Variants in DMXL1 observed in about 807,000 individuals in gnomAD.
DMXL1 encodes the protein dmX-like protein 1.
In DMXL1, 99 loss-of-function variants were observed where a neutral mutation model predicts 319.2. The observed-to-expected ratio is 0.31, with a 90% CI of 0.26 to 0.37. DMXL1 has a LOEUF of 0.37. Among genes scored for constraint, DMXL1 ranks in the 10% least tolerant of loss-of-function variants. The pLI, the probability that DMXL1 is intolerant of heterozygous loss-of-function variation, is 1.00. For missense variants in DMXL1, 3,745 were observed against 3,595.6 expected, an observed-to-expected ratio of 1.04 and a Z score of -1.06; for synonymous variants, 1,385 against 1,235.2, an observed-to-expected ratio of 1.12 and a Z score of -2.54.
chr5:119,157,801 G>A (rs1371361007), intron 19 of DMXL1, among the ~76,000 whole-genome samples: 4 of 152,010 alleles, frequency 2.6e-5, no homozygotes, highest in African/African-American at 9.7e-5. Context: ...TGAGTATTTG[G>A]TGTTTCTTGG....
At chr5:119,134,811 G>C (rs966033467) in intron 13 of DMXL1, among the ~76,000 whole-genome samples, 5 of 152,218 alleles carry the variant, frequency 3.3e-5, no homozygotes, top group African/African-American at 1.2e-4. Flanking sequence ...CAGTATTGTT[G>C]TAAGGCTTTT....
intron 17 of DMXL1, 117 bp from the exon 18 acceptor site, chr5:119,148,622 C>G: frequency 1.0e-6 from 1 of 967,900 alleles, no homozygotes; most frequent in South Asian, 1.6e-5. Context: ...CCAAGATGCC[C>G]CTTTGATTTT....
Position 119,098,152 on chromosome 5 carries a change from T to C in DMXL1, c.213+48T>C. The C allele has an allele frequency of 2.5e-6, 4 of 1,569,680 alleles. No individual in the cohort carries two copies. The South Asian group carries it at 4.7e-5, about 19-fold the overall frequency. On this transcript the variant is annotated intron_variant, in intron 2 of 43. Coordinates refer to ENST00000539542, the MANE Select transcript of DMXL1 (RefSeq NM_001290321.3). ...ACAAATTTGTTTGGAATATGGTTTT[T>C]GTCAGGATAATCTCTGAAGTGTGTA...
At chr5:119,225,791 C>G (rs1283187015) in intron 38 of DMXL1, among the ~76,000 whole-genome samples, 3 of 152,072 alleles carry the variant, frequency 2.0e-5, no homozygotes, top group Non-Finnish European at 2.9e-5. Flanking sequence ...TCTGTTTTCA[C>G]TACATCAAAT....
chr5:119,183,410 T>G (rs1777119156), intron 28 of DMXL1, among the ~76,000 whole-genome samples: 2 of 152,200 alleles, frequency 1.3e-5, no homozygotes, highest in Admixed American at 6.5e-5. Context: ...GGTGGTTTAT[T>G]ATAAGGAACT....
chr5:119,090,871 T>C (rs1203238550), intron 1 of DMXL1, among the ~76,000 whole-genome samples: 3 of 151,948 alleles, frequency 2.0e-5, no homozygotes, highest in Admixed American at 6.6e-5. Context: ...GGCAGTCCTC[T>C]GTGTGTTTTT....
chr5:119,175,360 T>A, intron 26 of DMXL1, 23 bp downstream of exon 26: 2 of 1,535,736 alleles, frequency 1.3e-6, no homozygotes, highest in Non-Finnish European at 1.8e-6. Context: ...TTATGAAATT[T>A]AAGAATGCTT....
chr5:119,116,158 G>C lies in DMXL1; in HGVS notation c.565G>C (p.Asp189His). 1 of 1,589,990 alleles carries C rather than the reference G, an allele frequency of 6.3e-7. No individual in the cohort carries two copies. The highest frequency in any genetic ancestry group is 1.8e-5 in the Admixed American group (1 of 55,856). Residue 189 changes from aspartate (D) to histidine (H), a missense_variant and splice_region_variant, in exon 7 of 44, where the codon GAT becomes CAT. By Grantham distance (81) the Asp-to-His change is moderately conservative. This residue lies in a region of DMXL1 where 2,096 missense variants were observed against 1,985.4 expected (regional missense o/e 1.06). Transcript: ENST00000539542. ...DGEFFATAGK[D>H]DCLLKVWYNV... ...TCTGTTTTGTTTTTTTTTTCCTTAG[G>C]ATGACTGTCTTTTGAAGGTTTGGTA...
intron 29 of DMXL1, among the ~76,000 whole-genome samples, chr5:119,190,255 C>T (rs1390751516): frequency 6.6e-6 from 1 of 152,214 alleles, no homozygotes; most frequent in Non-Finnish European, 1.5e-5. Flanking sequence ...TATACTACAG[C>T]AGTCTCTCAT....
At chr5:119,180,646 G>A (rs1210925942) in intron 28 of DMXL1, among the ~76,000 whole-genome samples, 1 of 151,728 alleles carries the variant, frequency 6.6e-6, no homozygotes, top group Non-Finnish European at 1.5e-5. Context: ...TTAAAAAGTT[G>A]TTTATTGTGC....
At chr5:119,241,415 G>C (rs1294596954) in intron 42 of DMXL1, among the ~76,000 whole-genome samples, 1 of 151,568 alleles carries the variant, frequency 6.6e-6, no homozygotes, top group Non-Finnish European at 1.5e-5. Flanking sequence ...GATGCCTGTA[G>C]TCCTAGCTAC....
At chr5:119,087,241 G>C (rs1377789494) in intron 1 of DMXL1, among the ~76,000 whole-genome samples, 3 of 151,006 alleles carry the variant, frequency 2.0e-5, no homozygotes, top group African/African-American at 7.3e-5. Context: ...CAAGTTCCTT[G>C]AGGTGCATTA....
At chr5:119,187,787 C>G (rs899128487) in intron 28 of DMXL1, among the ~76,000 whole-genome samples, 2 of 152,038 alleles carry the variant, frequency 1.3e-5, no homozygotes. Flanking sequence ...CTCAGCCTCC[C>G]GAGTAGCTGG....
chr5:119,194,021 A>C (rs778426406), intron 30 of DMXL1, 51 bp downstream of exon 30: 18 of 1,296,554 alleles, frequency 1.4e-5, no homozygotes, highest in Non-Finnish European at 1.8e-5. Context: ...GGTGTATATA[A>C]ATAATATTTT....
At chr5:119,082,525 T>C in intron 1 of DMXL1, among the ~76,000 whole-genome samples, 1 of 152,164 alleles carries the variant, frequency 6.6e-6, no homozygotes, top group Non-Finnish European at 1.5e-5. Flanking sequence ...TCCTCCCACA[T>C]TGGCCTCCCA....
Position 119,168,043 on chromosome 5 carries a change from G to A in DMXL1, c.5398+179G>A, listed in dbSNP as rs116038404. ...GAAAGATAAATCCTTTGAAAACAAA[G>A]AACGTTGGATTTTCTGTTTTTACAA... is the stretch of plus-strand genomic sequence containing the variant. On this transcript the variant is annotated intron_variant, in intron 23 of 43. Coordinates refer to ENST00000539542, the MANE Select transcript of DMXL1 (RefSeq NM_001290321.3). Among the ~76,000 whole-genome samples the A allele has an allele frequency of 2.6e-3, 390 of 152,204 alleles. 2 individuals are homozygous for A. Among genetic ancestry groups the A allele is most frequent in the African/African-American group, 9.2e-3 (382 of 41,546 alleles).
chr5:119,146,199 C>T (rs1768490138), intron 15 of DMXL1, among the ~76,000 whole-genome samples: 1 of 151,720 alleles, frequency 6.6e-6, no homozygotes, highest in Admixed American at 6.6e-5. Context: ...ATGTAATTTT[C>T]GTTTACCTAA....
At chr5:119,214,062 G>T (rs1451053173) in intron 34 of DMXL1, among the ~76,000 whole-genome samples, 2 of 151,762 alleles carry the variant, frequency 1.3e-5, no homozygotes, top group African/African-American at 4.8e-5. Flanking sequence ...GTTATCTTAC[G>T]GTTTAAATAT....
At chr5:119,197,648 T>C in intron 31 of DMXL1, 107 bp from the exon 32 acceptor site, 1 of 1,020,888 alleles carries the variant, frequency 9.8e-7, no homozygotes, top group Non-Finnish European at 1.5e-6. Flanking sequence ...TCTCAGTCTT[T>C]TTTTTTTTCC....
Sources: gnomAD v4.1 joint callset for allele counts (sites outside exome capture counted in the v4.1 genomes callset) on GRCh38, gnomAD v4.1.1 for gene constraint, gnomAD v4.1.1 regional missense constraint, MANE v1.5 for transcripts, NCBI Gene and HGNC (gene_info 2026-07-23, HGNC 2026-07-21) for gene names.